Variants in MAD1L1 observed in about 807,000 individuals in gnomAD.
MAD1L1 encodes mitotic spindle assembly checkpoint protein MAD1.
In MAD1L1, 95 loss-of-function variants were observed where a neutral mutation model predicts 96.9. The ratio of observed to expected loss-of-function variants is 0.98; its 90% CI spans 0.83 to 1.16. The LOEUF is 1.16. Among genes scored for constraint, MAD1L1 ranks in the 50% most tolerant of loss-of-function variants. MAD1L1 has a pLI of 0.00. For synonymous variants in MAD1L1, 473 were observed against 396.6 expected, an observed-to-expected ratio of 1.19 and a Z score of -2.29; for missense variants, 1,007 against 954.4, an observed-to-expected ratio of 1.06 and a Z score of -0.73.
chr7:2,176,543 T>C (rs2128598300), intron 10 of MAD1L1, among the ~76,000 whole-genome samples: 1 of 152,018 alleles, frequency 6.6e-6, no homozygotes, highest in Non-Finnish European at 1.5e-5. Flanking sequence ...TATTTGCAAA[T>C]AGCACTATTT....
At chr7:2,140,672 G>A (rs1380948280) in intron 11 of MAD1L1, among the ~76,000 whole-genome samples, 1 of 152,234 alleles carries the variant, frequency 6.6e-6, no homozygotes, top group South Asian at 2.1e-4. Flanking sequence ...GGAGCAACCA[G>A]GCCTCCATGC....
chr7:1,933,133 GCT>G (rs963475980), intron 17 of MAD1L1, among the ~76,000 whole-genome samples: 2 of 152,154 alleles, frequency 1.3e-5, no homozygotes, highest in African/African-American at 4.8e-5. Flanking sequence ...GTTTCGCTGT[GCT>G]CTGTTTTCCC....
chr7:2,225,257 G>A (rs13222228), intron 4 of MAD1L1, among the ~76,000 whole-genome samples, 153 bp downstream of exon 4: 9,497 of 34,808 alleles, frequency 0.27, 3,055 homozygotes, highest in African/African-American at 0.59. Context: ...CCCAGGGACT[G>A]GGATCTGATT....
intron 18 of MAD1L1, among the ~76,000 whole-genome samples, chr7:1,818,353 T>TGGCA (rs1781937270): frequency 6.6e-6 from 1 of 152,124 alleles, no homozygotes; most frequent in Non-Finnish European, 1.5e-5. Flanking sequence ...CCTCAGAGGC[T>TGGCA]GGCAGGCTTT....
rs1778641101 is a variant in MAD1L1 at position 1,936,865 on chromosome 7, C to T, written c.1629G>A (p.Leu543=). ...CACTGGTGGGGTTCAGGCTCATGTG[C>T]AGCACTTTGGTCCTGCTCTGGTCAT... The part of the protein sequence containing the change: ...GDYDQSRTKV[L]HMSLNPTSVA... Residue 543 remains leucine (L), a synonymous_variant, in exon 17 of 19, where the codon CTG becomes CTA. Transcript: ENST00000265854. 1 of 1,605,538 alleles carries T rather than the reference C, an allele frequency of 6.2e-7. No individual in the cohort carries two copies. Among genetic ancestry groups the T allele is most frequent in the East Asian group, 2.2e-5 (1 of 44,556 alleles).
intron 17 of MAD1L1, among the ~76,000 whole-genome samples, chr7:1,919,653 G>A (rs1029425569): frequency 5.3e-5 from 8 of 152,310 alleles, no homozygotes; most frequent in South Asian, 2.1e-4. Context: ...ATGGGCCAGC[G>A]GTGCCTCTGC....
intron 11 of MAD1L1, among the ~76,000 whole-genome samples, chr7:2,144,842 G>A (rs895820375): frequency 9.9e-5 from 15 of 152,186 alleles, no homozygotes; most frequent in Admixed American, 2.0e-4. Flanking sequence ...AACGAGGCTT[G>A]AGCGTAAACC....
chr7:1,868,621 C>T (rs1039119913), intron 18 of MAD1L1, among the ~76,000 whole-genome samples: 2 of 152,210 alleles, frequency 1.3e-5, no homozygotes, highest in East Asian at 3.8e-4. Flanking sequence ...GCGCGTCATG[C>T]GATACCCTTG....
chr7:1,970,131 G>A (rs1010597275), intron 15 of MAD1L1, among the ~76,000 whole-genome samples: 1 of 152,158 alleles, frequency 6.6e-6, no homozygotes, highest in African/African-American at 2.4e-5. Flanking sequence ...GACTGGGCTG[G>A]AAAAAGCCGA....
intron 11 of MAD1L1, among the ~76,000 whole-genome samples, chr7:2,101,062 A>C (rs1786757682): frequency 1.3e-5 from 2 of 152,108 alleles, no homozygotes; most frequent in African/African-American, 4.8e-5. Flanking sequence ...GGATGGGGGG[A>C]GTGCTGCCAA....
intron 15 of MAD1L1, among the ~76,000 whole-genome samples, chr7:1,979,085 G>A (rs374730549): frequency 2.6e-4 from 40 of 152,284 alleles, no homozygotes; most frequent in African/African-American, 8.7e-4. Flanking sequence ...CTTTACTCTC[G>A]GCAACCCTGA....
intron 16 of MAD1L1, among the ~76,000 whole-genome samples, chr7:1,954,012 G>A (rs984794358): frequency 2.6e-5 from 4 of 152,082 alleles, no homozygotes; most frequent in East Asian, 1.9e-4. Context: ...TGTGAGCCCC[G>A]ACTAGCCTCA....
At chr7:2,032,645 T>C (rs967604688) in intron 12 of MAD1L1, among the ~76,000 whole-genome samples, 45 of 152,298 alleles carry the variant, frequency 3.0e-4, no homozygotes, top group African/African-American at 1.1e-3. Context: ...CAAAACAAGA[T>C]GACTCGCCCA....
At chr7:1,833,430 A>G (rs1383350445) in intron 18 of MAD1L1, among the ~76,000 whole-genome samples, 1 of 152,242 alleles carries the variant, frequency 6.6e-6, no homozygotes, top group Non-Finnish European at 1.5e-5. Context: ...AATCTGTAAT[A>G]ATAGTCAGAG....
intron 18 of MAD1L1, among the ~76,000 whole-genome samples, chr7:1,831,514 C>G (rs1163751147): frequency 6.6e-6 from 1 of 152,186 alleles, no homozygotes; most frequent in Non-Finnish European, 1.5e-5. Flanking sequence ...AAAGAAGACT[C>G]ACATGTCTCT....
intron 10 of MAD1L1, 131 bp downstream of exon 10, chr7:2,213,081 G>T: frequency 1.1e-6 from 1 of 910,570 alleles, no homozygotes; most frequent in East Asian, 2.6e-5. Flanking sequence ...GAGCAGCCCA[G>T]GACAAATGCC....
At chr7:2,062,895 G>C (rs534452472) in intron 12 of MAD1L1, among the ~76,000 whole-genome samples, 3 of 152,326 alleles carry the variant, frequency 2.0e-5, no homozygotes, top group African/African-American at 7.2e-5. Flanking sequence ...GGAACACGCT[G>C]CATTCCCAGG....
rs138616181 is a variant in MAD1L1, at chr7:2,037,614, T to C, written c.1219-22972A>G. Reference sequence around the variant, plus strand: ...CCACGTCCTGACTGTACTTCCGACATTGCATCACTGTTATGTCTGTTGTGG... The same window carrying C: ...CCACGTCCTGACTGTACTTCCGACACTGCATCACTGTTATGTCTGTTGTGG... On this transcript the variant is annotated intron_variant, in intron 12 of 18. Coordinates refer to ENST00000265854, the MANE Select transcript of MAD1L1 (RefSeq NM_001013836.2). Among the ~76,000 whole-genome samples, 323 of 152,312 alleles carry C rather than the reference T, an allele frequency of 2.1e-3. 1 individual carries two copies. The highest frequency in any genetic ancestry group is 3.4e-3 in the Middle Eastern group (1 of 294).
chr7:1,914,207 G>A (rs1234233623), intron 17 of MAD1L1, among the ~76,000 whole-genome samples: 1 of 152,222 alleles, frequency 6.6e-6, no homozygotes, highest in Non-Finnish European at 1.5e-5. Flanking sequence ...TCGGAAGGAG[G>A]AGATGGCGCT....
Sources: allele counts gnomAD v4.1 joint callset (sites outside exome capture counted in the v4.1 genomes callset), GRCh38; gene constraint gnomAD v4.1.1; transcripts MANE v1.5; gene names NCBI Gene and HGNC (gene_info 2026-07-23, HGNC 2026-07-21).